Variants in SREK1IP1 observed in about 807,000 individuals in gnomAD.
The protein encoded by SREK1IP1 is SREK1 interacting protein 1.
Under a neutral mutation model 22.8 loss-of-function variants are expected in SREK1IP1, and 12 were observed. The ratio of observed to expected loss-of-function variants is 0.53; its 90% confidence interval spans 0.34 to 0.85. The LOEUF (loss-of-function observed/expected upper bound fraction) is 0.85, where lower values mean the gene tolerates loss of function less well. Ranked by LOEUF, SREK1IP1 falls within the 40% of genes least tolerant of loss-of-function variation. SREK1IP1 has a pLI of 0.02. For synonymous variants in SREK1IP1, 53 were observed against 52.7 expected, an observed-to-expected ratio of 1.01 and a Z score of -0.02; for missense variants, 147 against 171.8, an observed-to-expected ratio of 0.86 and a Z score of 0.81.
At position 64,719,557 on chromosome 5, in the gene SREK1IP1, T is replaced by A. The variant is rs1440452300; in HGVS notation, c.*4827A>T. On this transcript the variant is annotated 3_prime_UTR_variant, in exon 5 of 5. Coordinates refer to ENST00000513458, the MANE Select transcript of SREK1IP1 (RefSeq NM_173829.4). ...CAGTAATTTAATAATATTACCATAT[T>A]GTCTCAGGTGAAAATCTAGGTTGAG... The A allele has an allele frequency of 6.6e-6, 1 of 152,204 alleles. No homozygotes were observed. The highest frequency in any genetic ancestry group is 1.5e-5 in the Non-Finnish European group (1 of 68,036). The allele number at this position is 152,204 out of a possible 1,614,324, so 9.4% of individuals were successfully genotyped here. A position where few individuals can be genotyped will look rare whatever the true frequency, so the allele number is the denominator to read the frequency against.
intron 1 of SREK1IP1, among the ~76,000 whole-genome samples, chr5:64,757,450 G>A (rs945570291): frequency 2.0e-5 from 3 of 152,144 alleles, no homozygotes; most frequent in Non-Finnish European, 2.9e-5. Flanking sequence ...TTTTAAAAAT[G>A]CAAGTATTGT....
At chr5:64,742,195 G>T (rs958817012) in intron 2 of SREK1IP1, among the ~76,000 whole-genome samples, 1 of 151,968 alleles carries the variant, frequency 6.6e-6, no homozygotes, top group East Asian at 1.9e-4. Context: ...ATGTTCTACT[G>T]TATGAAAATT....
intron 3 of SREK1IP1, among the ~76,000 whole-genome samples, chr5:64,740,204 A>G (rs144811964): frequency 2.0e-5 from 3 of 152,086 alleles, no homozygotes; most frequent in Admixed American, 2.0e-4. Context: ...TGTGTCCAGG[A>G]AAGACAGAGA....
chr5:64,763,609 T>C (rs1285020298), intron 1 of SREK1IP1, among the ~76,000 whole-genome samples: 1 of 152,182 alleles, frequency 6.6e-6, no homozygotes, highest in African/African-American at 2.4e-5. Context: ...AGAAATTTAA[T>C]TACCTAATGA....
At chr5:64,757,400 T>C (rs1289194778) in intron 1 of SREK1IP1, among the ~76,000 whole-genome samples, 2 of 152,200 alleles carry the variant, frequency 1.3e-5, no homozygotes, top group Non-Finnish European at 2.9e-5. Flanking sequence ...TGTCTCTAAT[T>C]ATTCTAGTAA....
intron 2 of SREK1IP1, among the ~76,000 whole-genome samples, chr5:64,747,299 C>T (rs1009260767): frequency 1.3e-5 from 2 of 152,162 alleles, no homozygotes; most frequent in African/African-American, 4.8e-5. Flanking sequence ...TTTCTAATCA[C>T]ATGGATTGTT....
chr5:64,749,401 C>T (rs7702918), intron 2 of SREK1IP1, among the ~76,000 whole-genome samples: 9,545 of 151,794 alleles, frequency 0.063, 975 homozygotes, highest in African/African-American at 0.22. Context: ...CTAAAAATGC[C>T]GGCCTCTTCT....
At chr5:64,760,566 T>C (rs1742934440) in intron 1 of SREK1IP1, among the ~76,000 whole-genome samples, 1 of 152,104 alleles carries the variant, frequency 6.6e-6, no homozygotes, top group African/African-American at 2.4e-5. Context: ...GAAAGATGTA[T>C]GGGAACAGAC....
At chr5:64,746,389 T>G (rs977966132) in intron 2 of SREK1IP1, among the ~76,000 whole-genome samples, 1 of 152,194 alleles carries the variant, frequency 6.6e-6, no homozygotes, top group African/African-American at 2.4e-5. Context: ...TAAAAACTTT[T>G]GTGCAAAATT....
At chr5:64,753,687 T>C (rs1233279076) in intron 2 of SREK1IP1, among the ~76,000 whole-genome samples, 2 of 152,226 alleles carry the variant, frequency 1.3e-5, no homozygotes, top group Non-Finnish European at 2.9e-5. Flanking sequence ...ATTCACACGG[T>C]CTGCAAACAA....
Position 64,752,133 on chromosome 5 carries a change from ATTTT to A in SREK1IP1, c.61+2178_61+2181del, listed in dbSNP as rs1224410806. ...TATCAAAATAACTCTTTTTCTGTGA[ATTTT>A]TTTTGTGTGTTTTTTTTTTTTTTTT... is the stretch of plus-strand genomic sequence containing the variant. On this transcript the variant is annotated intron_variant, in intron 2 of 4. Coordinates refer to ENST00000513458, the MANE Select transcript of SREK1IP1 (RefSeq NM_173829.4). 1.8e-4 allele frequency among the ~76,000 whole-genome samples: 22 copies of A among 118,972 alleles called. 1 individual carries two copies. Among genetic ancestry groups the A allele is most frequent in the South Asian group, 1.4e-3 (5 of 3,478 alleles). The allele number at this position is 118,972 out of a possible 152,430, so 78.1% of individuals were successfully genotyped here.
chr5:64,720,085 A>G lies in SREK1IP1; in HGVS notation c.*4299T>C, dbSNP rs1435226318. The G allele has an allele frequency of 6.6e-6, 1 of 152,248 alleles. No homozygotes were observed. The highest frequency in any genetic ancestry group is 1.5e-5 in the Non-Finnish European group (1 of 68,036). 9.4% of individuals were successfully genotyped at this position (152,248 alleles called of 1,614,324 possible). On this transcript the variant is annotated 3_prime_UTR_variant, in exon 5 of 5. Coordinates refer to ENST00000513458, the MANE Select transcript of SREK1IP1 (RefSeq NM_173829.4). ...TTCACAGGTTAAGCCAAATTTTAAA[A>G]GCAAGGGGCCTTATTAAATTACAGC...
rs1044451008 is a variant in SREK1IP1, at chr5:64,768,562, G to C, written c.-45C>G. ...ACTCGAGCCTCTGGCTTTCGAAAAG[G>C]CGCTTGCTTCCCGCCAGCTGTGAGA... On this transcript the variant is annotated 5_prime_UTR_variant, in exon 1 of 5. Coordinates refer to ENST00000513458, the MANE Select transcript of SREK1IP1 (RefSeq NM_173829.4). 47 of 1,613,840 alleles carry C rather than the reference G, an allele frequency of 2.9e-5. No individual in the cohort carries two copies. The highest frequency in any genetic ancestry group is 3.9e-5 in the Non-Finnish European group (46 of 1,179,968).
intron 2 of SREK1IP1, among the ~76,000 whole-genome samples, chr5:64,745,209 AAC>A (rs1197692807): frequency 6.6e-6 from 1 of 152,144 alleles, no homozygotes; most frequent in Non-Finnish European, 1.5e-5. Context: ...CTGTTGACAT[AAC>A]ACTTTTTTCC....
intron 3 of SREK1IP1, 134 bp from the exon 4 acceptor site, chr5:64,728,313 CCTTT>C: frequency 1.1e-6 from 1 of 886,600 alleles, no homozygotes; most frequent in Non-Finnish European, 1.5e-6. Flanking sequence ...ATAATTTTCC[CCTTT>C]CTTAATTATC....
rs1580532292 is a variant in SREK1IP1 at position 64,720,226 on chromosome 5, A to C, written c.*4158T>G. On this transcript the variant is annotated 3_prime_UTR_variant, in exon 5 of 5. Coordinates refer to ENST00000513458, the MANE Select transcript of SREK1IP1 (RefSeq NM_173829.4). ...CCTAAAATACAATTAAGAACAAAAC[A>C]CATCTCAAAGTATGTACATGTACAT... 6.6e-6 allele frequency: 1 copy of C among 150,642 alleles called. No individual in the cohort carries two copies. The highest frequency in any genetic ancestry group is 2.4e-5 in the African/African-American group (1 of 41,340). 9.3% of individuals were successfully genotyped at this position (150,642 alleles called of 1,614,324 possible).
At chr5:64,759,215 A>T (rs576537344) in intron 1 of SREK1IP1, among the ~76,000 whole-genome samples, 1 of 152,272 alleles carries the variant, frequency 6.6e-6, no homozygotes, top group Non-Finnish European at 1.5e-5. Context: ...TCACTGAGCT[A>T]GCTGATATCT....
intron 1 of SREK1IP1, among the ~76,000 whole-genome samples, chr5:64,768,128 G>A (rs1021635292): frequency 1.8e-4 from 27 of 152,198 alleles, no homozygotes; most frequent in Admixed American, 9.8e-4. Context: ...GATGCCTCCG[G>A]TTACCTGGGT....
rs1170921711 is a variant in SREK1IP1, at chr5:64,722,079, A to T, written c.*2305T>A. On this transcript the variant is annotated 3_prime_UTR_variant, in exon 5 of 5. Transcript: ENST00000513458. ...TTTTCTTCTAAAACATATTCATGAGATTTGCATCCAATCTCAATAATAATA... is the reference window on the plus strand; with the variant it reads ...TTTTCTTCTAAAACATATTCATGAGTTTTGCATCCAATCTCAATAATAATA... 3 of 152,100 alleles carry T rather than the reference A, an allele frequency of 2.0e-5. No individual in the cohort carries two copies. Among genetic ancestry groups the T allele is most frequent in the African/African-American group, 4.8e-5 (2 of 41,408 alleles). The allele number at this position is 152,100 out of a possible 1,614,324, so 9.4% of individuals were successfully genotyped here.
Sources: allele counts gnomAD v4.1 joint callset (sites outside exome capture counted in the v4.1 genomes callset), GRCh38; gene constraint gnomAD v4.1.1; transcripts MANE v1.5; gene names NCBI Gene and HGNC (gene_info 2026-07-23, HGNC 2026-07-21).